SEMA4B: variants seen among roughly 807,000 people sequenced by gnomAD.
SEMA4B encodes semaphorin 4B.
In SEMA4B, 55 loss-of-function variants were observed where a neutral mutation model predicts 88.1. The observed-to-expected ratio is 0.62, with a 90% CI of 0.50 to 0.78. SEMA4B has a LOEUF of 0.78. Ranked by LOEUF, SEMA4B falls within the 30% of genes least tolerant of loss-of-function variation. The probability of loss-of-function intolerance (pLI) is 0.00; values close to 1 mark genes in which losing one functional copy is unlikely to be tolerated. For synonymous variants in SEMA4B, 525 were observed against 473.6 expected, an observed-to-expected ratio of 1.11 and a Z score of -1.41; for missense variants, 1,062 against 1,111.9, an observed-to-expected ratio of 0.96 and a Z score of 0.64.
intron 5 of SEMA4B, 59 bp from the exon 6 acceptor site, chr15:90,221,308 G>A (rs748630086): frequency 3.1e-5 from 44 of 1,413,942 alleles, no homozygotes; most frequent in Non-Finnish European, 4.2e-5. Context: ...TCTGGGCCCT[G>A]AGCAGGGAGA....
At chr15:90,220,398 CGCT>C (rs1220544617) in intron 4 of SEMA4B, among the ~76,000 whole-genome samples, 3 of 129,024 alleles carry the variant, frequency 2.3e-5, no homozygotes, top group Admixed American at 1.7e-4. Flanking sequence ...GATGGAGTCT[CGCT>C]CTGTCGCCCA....
intron 1 of SEMA4B, among the ~76,000 whole-genome samples, chr15:90,216,253 C>T (rs1228301044): frequency 6.6e-6 from 1 of 152,092 alleles, no homozygotes; most frequent in Non-Finnish European, 1.5e-5. Flanking sequence ...TAGGTGTGAG[C>T]CACCACGCCC....
chr15:90,216,845 A>G (rs900304859), intron 1 of SEMA4B, among the ~76,000 whole-genome samples: 11 of 151,688 alleles, frequency 7.3e-5, no homozygotes, highest in Non-Finnish European at 1.6e-4. Context: ...CTTCGTCTCA[A>G]AAAAAAAAGA....
chr15:90,214,871 C>T, intron 1 of SEMA4B: 2 of 751,624 alleles, frequency 2.7e-6, no homozygotes, highest in Non-Finnish European at 3.7e-6. Context: ...TTCTCTGCTC[C>T]TGATTTTAAT....
chr15:90,206,021 C>G (rs989445140), intron 1 of SEMA4B, among the ~76,000 whole-genome samples: 6 of 152,236 alleles, frequency 3.9e-5, no homozygotes, highest in African/African-American at 1.2e-4. Flanking sequence ...TGAAATACCT[C>G]TGTGCCAACC....
intron 1 of SEMA4B, among the ~76,000 whole-genome samples, chr15:90,201,958 A>T (rs967621081): frequency 8.6e-5 from 13 of 151,992 alleles, no homozygotes; most frequent in Non-Finnish European, 1.2e-4. Context: ...CTGCGTAGGG[A>T]TGGGGTCTAG....
chr15:90,227,633 G>T lies in SEMA4B; in HGVS notation c.1765G>T (p.Val589Leu). 6.2e-7 allele frequency: 1 copy of T among 1,613,994 alleles called. No individual in the cohort carries two copies. Among genetic ancestry groups the T allele is most frequent in the Non-Finnish European group, 8.5e-7 (1 of 1,179,864 alleles). The change falls in exon 13 of 14, where the codon GTA (valine) becomes TTA (leucine). Residue 589 changes from valine (V) to leucine (L), a missense_variant. Coordinates refer to ENST00000411539, the MANE Select transcript of SEMA4B (RefSeq NM_198925.4). ...GTCTTCGGTTGTGTCCCCGTCTTTTGTACCAACAGGTGAGGTGCCCCCTCA... is the reference window on the plus strand; with the variant it reads ...GTCTTCGGTTGTGTCCCCGTCTTTTTTACCAACAGGTGAGGTGCCCCCTCA... Reference protein sequence around the residue: ...SASSVVSPSFVPTGEKPCEQV... With the variant: ...SASSVVSPSFLPTGEKPCEQV...
chr15:90,188,829 G>A (rs567881735), intron 1 of SEMA4B, among the ~76,000 whole-genome samples: 24 of 151,650 alleles, frequency 1.6e-4, no homozygotes, highest in African/African-American at 2.2e-4. Flanking sequence ...CACCACGCCC[G>A]GCTAATTTTT....
chr15:90,203,742 A>T (rs1481899706), intron 1 of SEMA4B, among the ~76,000 whole-genome samples: 2 of 152,172 alleles, frequency 1.3e-5, no homozygotes, highest in African/African-American at 4.8e-5. Context: ...GAGGGTTGAG[A>T]GGACCTGAAA....
chr15:90,200,595 A>C (rs1960667831), upstream of SEMA4B, among the ~76,000 whole-genome samples: 1 of 152,206 alleles, frequency 6.6e-6, no homozygotes, highest in Non-Finnish European at 1.5e-5. Flanking sequence ...GTTAGGAGCC[A>C]GGAGGATTAG....
intron 13 of SEMA4B, 109 bp downstream of exon 13, chr15:90,227,751 AC>A: frequency 6.9e-7 from 1 of 1,456,506 alleles, no homozygotes; most frequent in Non-Finnish European, 9.4e-7. Flanking sequence ...CTTGCCCCCT[AC>A]CCCTGTAAGC....
intron 1 of SEMA4B, among the ~76,000 whole-genome samples, chr15:90,188,732 A>G (rs1419574089): frequency 6.6e-6 from 1 of 152,036 alleles, no homozygotes; most frequent in African/African-American, 2.4e-5. Flanking sequence ...CAGTGGCGCT[A>G]TCTCGGCTCA....
At chr15:90,185,614 C>A (rs1186942536) in intron 1 of SEMA4B, among the ~76,000 whole-genome samples, 2 of 152,314 alleles carry the variant, frequency 1.3e-5, no homozygotes, top group Non-Finnish European at 2.9e-5. Flanking sequence ...TGGGTCATCT[C>A]GGGAAGGTCA....
chr15:90,200,139 G>A (rs1174773169), upstream of SEMA4B, among the ~76,000 whole-genome samples: 2 of 152,222 alleles, frequency 1.3e-5, no homozygotes, highest in Admixed American at 6.5e-5. Flanking sequence ...GGACCATGTG[G>A]GTGCTGTGCC....
At chr15:90,185,387 A>G (rs1000082982) in intron 1 of SEMA4B, among the ~76,000 whole-genome samples, 9 of 152,332 alleles carry the variant, frequency 5.9e-5, no homozygotes, top group Admixed American at 2.6e-4. Flanking sequence ...CCTGGGGGGA[A>G]GTCATTTGGA....
At chr15:90,184,934 C>T, upstream of SEMA4B, 1 of 985,980 alleles carries the variant, frequency 1.0e-6, no homozygotes, top group Non-Finnish European at 1.2e-6. Context: ...CCGGGGACGC[C>T]GCGCCGGACT....
upstream of SEMA4B, chr15:90,184,934 C>G (rs935963718): frequency 1.0e-6 from 1 of 985,980 alleles, no homozygotes; most frequent in African/African-American, 1.7e-5. Context: ...CCGGGGACGC[C>G]GCGCCGGACT....
At position 90,217,767 on chromosome 15, in the gene SEMA4B, C is replaced by T. The variant is rs763913788; in HGVS notation, c.322C>T (p.Leu108=). 8 of 1,613,292 alleles carry T rather than the reference C, an allele frequency of 5.0e-6. No individual in the cohort carries two copies. Among genetic ancestry groups the T allele is most frequent in the Non-Finnish European group, 6.8e-6 (8 of 1,179,578 alleles). The change falls in exon 3 of 14, where the codon CTG becomes TTG. Residue 108 remains leucine, a splice_region_variant and synonymous_variant. Coordinates refer to ENST00000411539, the MANE Select transcript of SEMA4B (RefSeq NM_198925.4). ...TACCTTCCCCTTTCTCATTCCCCAG[C>T]TGCTTTGGGGTGCAGACGCAGAGAA... ...SFLPGGEYQE[L]LWGADAEKKQ...
At chr15:90,224,303 A>G (rs868050178) in intron 9 of SEMA4B, among the ~76,000 whole-genome samples, 3 of 152,306 alleles carry the variant, frequency 2.0e-5, no homozygotes, top group Middle Eastern at 3.4e-3. Context: ...TTTAATTATC[A>G]AGTGACTGAA....
Sources: gnomAD v4.1 joint callset for allele counts (sites outside exome capture counted in the v4.1 genomes callset) on GRCh38, gnomAD v4.1.1 for gene constraint, MANE v1.5 for transcripts, NCBI Gene and HGNC (gene_info 2026-07-23, HGNC 2026-07-21) for gene names.